The following SLIT3 variants were observed in gnomAD, a reference collection of about 807,000 sequenced individuals.
SLIT3 encodes slit homolog 3 protein.
A neutral mutation model predicts 184.0 loss-of-function variants in SLIT3; 68 were observed. That is an observed-to-expected ratio of 0.37 (90% CI 0.30 to 0.45). The LOEUF is 0.45. SLIT3 is among the 20% of genes least tolerant of loss of function. The probability of loss-of-function intolerance (pLI) is 1.00; values close to 1 mark genes in which losing one functional copy is unlikely to be tolerated. For synonymous variants in SLIT3, 831 were observed against 828.6 expected (o/e 1.00, Z -0.05); for missense variants, 1,707 against 2,026.0 (o/e 0.84, Z 3.02).
At chr5:169,131,733 T>C (rs1310409798) in intron 4 of SLIT3, among the ~76,000 whole-genome samples, 1 of 152,224 alleles carries the variant, frequency 6.6e-6, no homozygotes, top group African/African-American at 2.4e-5. Flanking sequence ...GGCTTAGCTA[T>C]GCCTAAACCA....
At chr5:168,740,395 C>T (rs1763587818) in intron 20 of SLIT3, among the ~76,000 whole-genome samples, 1 of 152,196 alleles carries the variant, frequency 6.6e-6, no homozygotes, top group South Asian at 2.1e-4. Flanking sequence ...CAGCCTCTCA[C>T]ACTCTGCCCT....
intron 4 of SLIT3, among the ~76,000 whole-genome samples, chr5:169,093,487 G>A (rs1759664703): frequency 6.6e-6 from 1 of 152,146 alleles, no homozygotes; most frequent in African/African-American, 2.4e-5. Flanking sequence ...GGGGGTGGGA[G>A]ACAGAAGCTG....
intron 20 of SLIT3, among the ~76,000 whole-genome samples, chr5:168,740,517 T>C (rs984211702): frequency 6.6e-6 from 1 of 152,232 alleles, no homozygotes; most frequent in African/African-American, 2.4e-5. Flanking sequence ...CCAAGGGAGC[T>C]GAAAAGCTTG....
At chr5:169,012,411 C>T (rs905417618) in intron 4 of SLIT3, 13 of 152,196 alleles carry the variant, frequency 8.5e-5, no homozygotes, top group African/African-American at 3.1e-4. Flanking sequence ...CCTGGCTCGC[C>T]TGAACTGTGA....
intron 31 of SLIT3, among the ~76,000 whole-genome samples, chr5:168,685,185 G>C (rs960340112): frequency 3.9e-5 from 6 of 152,144 alleles, no homozygotes; most frequent in Non-Finnish European, 5.9e-5. Context: ...CTGACCTCAA[G>C]TGATCCACCC....
chr5:169,215,041 T>G (rs1416509785), intron 3 of SLIT3, among the ~76,000 whole-genome samples: 1 of 152,196 alleles, frequency 6.6e-6, no homozygotes, highest in Non-Finnish European at 1.5e-5. Context: ...CCACCTTTAT[T>G]GCAGAAAGAA....
At chr5:168,881,965 C>T (rs553961261) in intron 5 of SLIT3, among the ~76,000 whole-genome samples, 3 of 152,148 alleles carry the variant, frequency 2.0e-5, no homozygotes, top group Admixed American at 6.5e-5. Context: ...GAGCCCCTTG[C>T]GAAGTCCTCT....
intron 8 of SLIT3, among the ~76,000 whole-genome samples, chr5:168,809,444 A>T (rs1246859685): frequency 6.6e-6 from 1 of 152,198 alleles, no homozygotes; most frequent in Non-Finnish European, 1.5e-5. Context: ...GCACATGGTG[A>T]GGACGTTACC....
At chr5:169,223,999 A>G (rs76992345) in intron 3 of SLIT3, among the ~76,000 whole-genome samples, 5,109 of 152,330 alleles carry the variant, frequency 0.034, 100 homozygotes, top group Non-Finnish European at 0.047. Context: ...TTGTAATCAT[A>G]TCTCGTCTTT....
chr5:168,944,352 G>A (rs1762412064), intron 4 of SLIT3, among the ~76,000 whole-genome samples: 1 of 152,132 alleles, frequency 6.6e-6, no homozygotes. Flanking sequence ...GCCACTCCTG[G>A]TAGACAATCT....
chr5:169,248,880 C>A (rs1461825299), intron 2 of SLIT3, among the ~76,000 whole-genome samples: 1 of 152,152 alleles, frequency 6.6e-6, no homozygotes, highest in South Asian at 2.1e-4. Context: ...TCCTTAAATG[C>A]TCTTCATTTG....
chr5:168,934,438 A>G (rs955860134), intron 4 of SLIT3, among the ~76,000 whole-genome samples: 1 of 152,252 alleles, frequency 6.6e-6, no homozygotes, highest in African/African-American at 2.4e-5. Flanking sequence ...TTACTCATCC[A>G]TTAATTCTAC....
chr5:169,131,253 T>C (rs1761284950), intron 4 of SLIT3, among the ~76,000 whole-genome samples: 1 of 152,178 alleles, frequency 6.6e-6, no homozygotes, highest in African/African-American at 2.4e-5. Context: ...TGATTGTAAA[T>C]TACATGCTTG....
At chr5:169,154,266 G>A (rs1333356594) in intron 4 of SLIT3, among the ~76,000 whole-genome samples, 1 of 152,140 alleles carries the variant, frequency 6.6e-6, no homozygotes, top group African/African-American at 2.4e-5. Flanking sequence ...GGCCGATGCT[G>A]CCAGCCTTTT....
chr5:168,854,303 G>T (rs958087843), intron 5 of SLIT3, among the ~76,000 whole-genome samples: 9 of 143,430 alleles, frequency 6.3e-5, no homozygotes, highest in East Asian at 2.1e-4. Context: ...GGAACTAGTT[G>T]CTTTCATTGG....
At chr5:168,811,809 T>C (rs951738947) in intron 8 of SLIT3, among the ~76,000 whole-genome samples, 1 of 151,928 alleles carries the variant, frequency 6.6e-6, no homozygotes, top group East Asian at 1.9e-4. Flanking sequence ...AGTATGGAGG[T>C]TCCTCATAAA....
At chr5:169,008,462 G>A (rs999255957) in intron 4 of SLIT3, among the ~76,000 whole-genome samples, 1 of 152,164 alleles carries the variant, frequency 6.6e-6, no homozygotes, top group Non-Finnish European at 1.5e-5. Flanking sequence ...GCATCAGGAA[G>A]GAGCCAGAGA....
At chr5:168,975,389 G>C (rs142559006) in intron 4 of SLIT3, among the ~76,000 whole-genome samples, 1,677 of 152,174 alleles carry the variant, frequency 0.011, 36 homozygotes, top group African/African-American at 0.038. Flanking sequence ...ATGCTGTCCT[G>C]TTCTGGACCA....
Position 168,814,908 on chromosome 5 carries a change from C to A in SLIT3, c.793+2392G>T, listed in dbSNP as rs1446317695. Among the ~76,000 whole-genome samples the A allele has an allele frequency of 4.6e-5, 7 of 152,270 alleles. No homozygotes were observed. The South Asian group carries it at 1.5e-3, about 32-fold the overall frequency. On this transcript the variant is annotated intron_variant, in intron 8 of 35. Coordinates refer to ENST00000519560, the MANE Select transcript of SLIT3 (RefSeq NM_003062.4). ...CCAGATCTTTATATCTGACCTTGAC[C>A]TTTTCAGAGAGTAACGGCTCACAGC... is the stretch of plus-strand genomic sequence containing the variant.
Sources: gnomAD v4.1 joint callset for allele counts (sites outside exome capture counted in the v4.1 genomes callset) on GRCh38, gnomAD v4.1.1 for gene constraint, MANE v1.5 for transcripts, NCBI Gene and HGNC (gene_info 2026-07-23, HGNC 2026-07-21) for gene names.